The following AKAP6 variants were observed in gnomAD, a reference collection of about 807,000 sequenced individuals.
AKAP6 encodes A-kinase anchoring protein 6.
In AKAP6, 58 loss-of-function variants were observed where a neutral mutation model predicts 188.5. That is an observed-to-expected ratio of 0.31 (90% CI 0.25 to 0.38). The LOEUF (loss-of-function observed/expected upper bound fraction) is 0.38. Among genes scored for constraint, AKAP6 ranks in the 10% least tolerant of loss-of-function variants. The pLI, the probability that AKAP6 is intolerant of heterozygous loss-of-function variation, is 1.00. For missense variants in AKAP6, 2,710 were observed against 2,740.0 expected, an observed-to-expected ratio of 0.99 and a Z score of 0.24; for synonymous variants, 989 against 998.6, an observed-to-expected ratio of 0.99 and a Z score of 0.18.
At chr14:32,752,857 A>G (rs1196873803) in intron 11 of AKAP6, among the ~76,000 whole-genome samples, 2 of 152,002 alleles carry the variant, frequency 1.3e-5, no homozygotes, top group African/African-American at 4.8e-5. Context: ...AAATGACAGG[A>G]TTTCTTTCTT....
chr14:32,538,491 C>T (rs1882782538), intron 3 of AKAP6, among the ~76,000 whole-genome samples: 1 of 151,970 alleles, frequency 6.6e-6, no homozygotes, highest in South Asian at 2.1e-4. Flanking sequence ...CCATCTTCTT[C>T]TCTTCTTGAA....
chr14:32,674,862 C>A (rs1454324315), intron 7 of AKAP6, among the ~76,000 whole-genome samples: 1 of 152,084 alleles, frequency 6.6e-6, no homozygotes, highest in Non-Finnish European at 1.5e-5. Flanking sequence ...AGCCCACAAA[C>A]AACAACACAC....
chr14:32,416,966 G>T (rs11624658), intron 1 of AKAP6, among the ~76,000 whole-genome samples: 1 of 152,062 alleles, frequency 6.6e-6, no homozygotes, highest in African/African-American at 2.4e-5. Context: ...TCAGCATCTC[G>T]AGTAACTGGG....
chr14:32,451,302 ATCCT>A (rs1890926802), intron 2 of AKAP6, among the ~76,000 whole-genome samples: 1 of 152,182 alleles, frequency 6.6e-6, no homozygotes, highest in Non-Finnish European at 1.5e-5. Context: ...ATAATTTATT[ATCCT>A]TTTTTAAAAA....
intron 1 of AKAP6, among the ~76,000 whole-genome samples, chr14:32,393,759 A>G (rs1024449021): frequency 6.6e-6 from 1 of 152,146 alleles, no homozygotes; most frequent in Non-Finnish European, 1.5e-5. Flanking sequence ...CTTCTTGGCT[A>G]TTATTATTTT....
Position 32,433,732 on chromosome 14 carries a change from C to A in AKAP6, c.239C>A (p.Thr80Asn). ...LPEIETWLRM[T>N]SERVRDLTYS... ...GAAATTGAGACCTGGCTCCGGATGA[C>A]CTCAGAGAGGGTCCGAGACCTAACC... The change falls in exon 2 of 14, where the codon ACC (threonine) becomes AAC (asparagine). Residue 80 changes from threonine (T) to asparagine (N), a missense_variant. Thr to Asn is a moderately conservative substitution (Grantham distance 65). Around this residue, in one of 2 missense-constraint regions of AKAP6, gnomAD observed 237 missense variants for 313.9 expected, o/e 0.76. Transcript: ENST00000280979. 1 of 1,614,190 alleles carries A rather than the reference C, an allele frequency of 6.2e-7. No individual in the cohort carries two copies. Among genetic ancestry groups the A allele is most frequent in the Non-Finnish European group, 8.5e-7 (1 of 1,180,034 alleles).
At chr14:32,509,191 C>G (rs1881040664) in intron 2 of AKAP6, among the ~76,000 whole-genome samples, 1 of 143,776 alleles carries the variant, frequency 7.0e-6, no homozygotes, top group South Asian at 2.2e-4. Flanking sequence ...GTGGCGCGAT[C>G]TCGGCTCACT....
intron 11 of AKAP6, among the ~76,000 whole-genome samples, chr14:32,747,735 A>G (rs2031970865): frequency 6.6e-6 from 1 of 152,200 alleles, no homozygotes; most frequent in Non-Finnish European, 1.5e-5. Context: ...GGTGGTGGGA[A>G]AACCCACAGA....
In AKAP6 at chr14:32,822,450, T is replaced by C; in HGVS notation, c.4637T>C (p.Ile1546Thr). ...MDRISYKSGN[I>T]EKTFTGMQNA... ...CGCATTTCATATAAAAGTGGCAATATAGAAAAGACATTCACTGGCATGCAG... is the reference window on the plus strand; with the variant it reads ...CGCATTTCATATAAAAGTGGCAATACAGAAAAGACATTCACTGGCATGCAG... The change falls in exon 13 of 14, where the codon ATA becomes ACA. Residue 1546 changes from isoleucine (I) to threonine (T), a missense_variant. Physicochemically the swap from Ile to Thr is moderately conservative, Grantham distance 89. Coordinates refer to ENST00000280979, the MANE Select transcript of AKAP6 (RefSeq NM_004274.5). The C allele has an allele frequency of 1.2e-6, 2 of 1,614,034 alleles. No homozygotes were observed. The highest frequency in any genetic ancestry group is 1.7e-6 in the Non-Finnish European group (2 of 1,179,954).
intron 11 of AKAP6, among the ~76,000 whole-genome samples, chr14:32,765,127 G>A (rs1268648929): frequency 6.6e-6 from 1 of 151,876 alleles, no homozygotes; most frequent in African/African-American, 2.4e-5. Flanking sequence ...TAGAGACGGG[G>A]TTTCACCATG....
intron 12 of AKAP6, among the ~76,000 whole-genome samples, chr14:32,774,754 A>G (rs984163056): frequency 7.8e-4 from 118 of 152,240 alleles, no homozygotes; most frequent in African/African-American, 2.8e-3. Flanking sequence ...GCATACATAC[A>G]TACATACATA....
intron 1 of AKAP6, among the ~76,000 whole-genome samples, chr14:32,431,424 A>G (rs1247447994): frequency 6.6e-6 from 1 of 152,226 alleles, no homozygotes; most frequent in Non-Finnish European, 1.5e-5. Flanking sequence ...TAAGGCAGGT[A>G]TCAAAGTGAT....
At chr14:32,738,310 A>G (rs2031524927) in intron 11 of AKAP6, among the ~76,000 whole-genome samples, 4 of 152,130 alleles carry the variant, frequency 2.6e-5, no homozygotes, top group African/African-American at 9.7e-5. Flanking sequence ...ATTATTCTAA[A>G]GACTCCAAAT....
intron 12 of AKAP6, among the ~76,000 whole-genome samples, chr14:32,799,015 T>C (rs1863869583): frequency 1.3e-5 from 2 of 152,222 alleles, no homozygotes; most frequent in South Asian, 4.1e-4. Context: ...TATGCTATTG[T>C]AGTAACTAAG....
chr14:32,592,365 G>A (rs1201427149), intron 5 of AKAP6, among the ~76,000 whole-genome samples: 1 of 152,152 alleles, frequency 6.6e-6, no homozygotes, highest in African/African-American at 2.4e-5. Flanking sequence ...GGTGCCAAGG[G>A]TGGGGAAACC....
chr14:32,379,301 G>A (rs1346106993), intron 1 of AKAP6, among the ~76,000 whole-genome samples: 1 of 152,000 alleles, frequency 6.6e-6, no homozygotes. Flanking sequence ...AAATACTTTG[G>A]AGCAAGGTAG....
intron 2 of AKAP6, among the ~76,000 whole-genome samples, chr14:32,529,768 C>T (rs980318371): frequency 7.9e-5 from 12 of 152,086 alleles, no homozygotes; most frequent in Non-Finnish European, 1.6e-4. Context: ...GAAGATTATA[C>T]TCTGCAATAG....
At chr14:32,487,305 T>G (rs1185472531) in intron 2 of AKAP6, among the ~76,000 whole-genome samples, 2 of 152,198 alleles carry the variant, frequency 1.3e-5, no homozygotes, top group African/African-American at 4.8e-5. Context: ...TGTGCCAGGT[T>G]TTGGTATCAG....
At chr14:32,370,361 G>T (rs374977740) in intron 1 of AKAP6, among the ~76,000 whole-genome samples, 1 of 152,138 alleles carries the variant, frequency 6.6e-6, no homozygotes, top group Admixed American at 6.5e-5. Flanking sequence ...CAGTGCTATC[G>T]AATTGATGGT....
Sources: gnomAD v4.1 joint callset for allele counts (sites outside exome capture counted in the v4.1 genomes callset) on GRCh38, gnomAD v4.1.1 for gene constraint, gnomAD v4.1.1 regional missense constraint, MANE v1.5 for transcripts, NCBI Gene and HGNC (gene_info 2026-07-23, HGNC 2026-07-21) for gene names.